Variants in ITGAX observed in about 807,000 individuals in gnomAD.
ITGAX encodes integrin alpha-X.
A neutral mutation model predicts 140.2 loss-of-function variants in ITGAX; 99 were observed. The observed-to-expected ratio is 0.71, with a 90% confidence interval of 0.60 to 0.83. The LOEUF (loss-of-function observed/expected upper bound fraction) is 0.83. Among genes scored for constraint, ITGAX ranks in the 40% least tolerant of loss-of-function variants. ITGAX has a pLI of 0.00. For missense variants in ITGAX, 1,444 were observed against 1,482.0 expected (o/e 0.97, Z 0.42); for synonymous variants, 631 against 600.4 (o/e 1.05, Z -0.75).
Position 31,359,942 on chromosome 16 carries a change from A to G in ITGAX, c.584A>G (p.Asn195Ser), listed in dbSNP as rs2080804160. ...STQFSLMQFSNKFQTHFTFEE... is the reference protein window; with the variant it reads ...STQFSLMQFSSKFQTHFTFEE... ...CAGTTTTCCCTGATGCAGTTCTCCA[A>G]CAAATTCCAAACACACTTCACTTTC... The change falls in exon 7 of 30, where the codon AAC becomes AGC. Residue 195 changes from asparagine to serine, a missense_variant. Transcript: ENST00000268296. The G allele has an allele frequency of 1.9e-6, 3 of 1,614,014 alleles. No individual in the cohort carries two copies. The highest frequency in any genetic ancestry group is 2.5e-6 in the Non-Finnish European group (3 of 1,180,034).
Position 31,361,074 on chromosome 16 carries a change from T to G in ITGAX, c.873T>G (p.Ala291=), listed in dbSNP as rs1434444814. Residue 291 remains alanine (A), a synonymous_variant, in exon 9 of 30, where the codon GCT becomes GCG. Transcript: ENST00000268296. ...IIRYAIGVGL[A]FQNRNSWKEL... ...TTTTCTGGGGACAGGTTGGATTAGC[T>G]TTTCAAAACAGAAATTCTTGGAAAG... The G allele has an allele frequency of 6.2e-7, 1 of 1,612,668 alleles. No individual in the cohort carries two copies.
intron 20 of ITGAX, among the ~76,000 whole-genome samples, chr16:31,375,373 A>G (rs1316365107): frequency 6.6e-6 from 1 of 152,202 alleles, no homozygotes; most frequent in African/African-American, 2.4e-5. Flanking sequence ...TCACTCTCAC[A>G]TGCACTGCCT....
At chr16:31,360,169 C>T (rs2080807815) in intron 7 of ITGAX, 104 bp downstream of exon 7, 1 of 1,527,478 alleles carries the variant, frequency 6.5e-7, no homozygotes, top group Non-Finnish European at 8.8e-7. Context: ...AAAATCCAGC[C>T]CGTGATACCC....
Position 31,360,076 on chromosome 16 carries a change from A to G in ITGAX, c.707+11A>G. The G allele has an allele frequency of 6.2e-7, 1 of 1,607,996 alleles. No homozygotes were observed. The highest frequency in any genetic ancestry group is 8.5e-7 in the Non-Finnish European group (1 of 1,179,932). The stretch of plus-strand genomic sequence containing the variant: ...CATCCAAAATGTCGTGTGAGTCCTG[A>G]TTTCTTCCAGGCACAGTCCCAAAGC... On this transcript the variant is annotated intron_variant, in intron 7 of 29. Transcript: ENST00000268296.
chr16:31,356,749 G>C (rs1384004732), intron 3 of ITGAX, 21 bp downstream of exon 3: 1 of 1,538,972 alleles, frequency 6.5e-7, no homozygotes, highest in African/African-American at 1.4e-5. Flanking sequence ...GCCCCTCCCG[G>C]GACCCAGGGC....
Position 31,371,778 on chromosome 16 carries a change from G to T in ITGAX, c.2154G>T (p.Leu718=). Residue 718 remains leucine (L), a synonymous_variant, in exon 17 of 30, where the codon CTG becomes CTT. Transcript: ENST00000268296. ...CACACTGTGAAAACTTCAACCTGCT[G>T]CTCCCGGTGCGTCTGGGCATGAACG... is the stretch of plus-strand genomic sequence containing the variant. ...LKAHCENFNL[L]LPSCVEDSVT... is the part of the protein sequence containing the mutation. The T allele has an allele frequency of 1.2e-6, 2 of 1,613,846 alleles. No homozygotes were observed. Among genetic ancestry groups the T allele is most frequent in the Non-Finnish European group, 1.7e-6 (2 of 1,179,992 alleles).
rs771214794 is a variant in ITGAX, at chr16:31,361,192, GAGA to G, written c.995_997del (p.Lys332del). 3.1e-6 allele frequency: 5 copies of G among 1,612,578 alleles called. No homozygotes were observed. Among genetic ancestry groups the G allele is most frequent in the Admixed American group, 3.3e-5 (2 of 59,794 alleles). Reference sequence around the variant, plus strand: ...GAAAGATATTCAAAACCAACTGAAGGAGAAGATCTTTGCCATTGAGGGTGAGTC... The same window carrying G: ...GAAAGATATTCAAAACCAACTGAAGGAGATCTTTGCCATTGAGGGTGAGTC... On this transcript the variant is annotated inframe_deletion, in exon 9 of 30. Coordinates refer to ENST00000268296, the MANE Select transcript of ITGAX (RefSeq NM_000887.5).
rs377284317 is a variant in ITGAX at position 31,355,271 on chromosome 16, C to T, written c.17C>T (p.Ala6Val). 2.5e-6 allele frequency: 4 copies of T among 1,613,780 alleles called. No homozygotes were observed. The African/African-American group carries it at 4.0e-5, about 16-fold the overall frequency. MTRTR[A>V]ALLLFTALAT... ...CTTCTAGTCATGACCAGGACCAGGG[C>T]AGCACTCCTCCTGTTCACAGGTGAG... Residue 6 changes from alanine to valine, a missense_variant, in exon 1 of 30, where the codon GCA (alanine) becomes GTA (valine). Physicochemically the swap from Ala to Val is moderately conservative, Grantham distance 64. Coordinates refer to ENST00000268296, the MANE Select transcript of ITGAX (RefSeq NM_000887.5).
Position 31,372,495 on chromosome 16 carries a change from T to C in ITGAX, c.2278T>C (p.Tyr760His). The C allele has an allele frequency of 1.2e-6, 2 of 1,608,930 alleles. No homozygotes were observed. The highest frequency in any genetic ancestry group is 1.7e-6 in the Non-Finnish European group (2 of 1,178,678). ...TATGCTGGCCGCCGATGCTCAGAGATACTTCACGGCCTCCGTGAGTCCTGG... is the reference window on the plus strand; with the variant it reads ...TATGCTGGCCGCCGATGCTCAGAGACACTTCACGGCCTCCGTGAGTCCTGG... ...RPMLAADAQR[Y>H]FTASLPFEKN... The change falls in exon 18 of 30, where the codon TAC (tyrosine) becomes CAC (histidine). Residue 760 changes from tyrosine to histidine, a missense_variant. By Grantham distance (83) the Tyr-to-His change is moderately conservative. Coordinates refer to ENST00000268296, the MANE Select transcript of ITGAX (RefSeq NM_000887.5).
chr16:31,377,336 C>G (rs915306276), intron 23 of ITGAX, 71 bp downstream of exon 23: 28 of 1,128,654 alleles, frequency 2.5e-5, no homozygotes, highest in Non-Finnish European at 5.2e-6. Flanking sequence ...AAAAAAAGGC[C>G]TTGAAACGCT....
At chr16:31,370,694 C>T (rs1389133886) in intron 14 of ITGAX, among the ~76,000 whole-genome samples, 2 of 152,086 alleles carry the variant, frequency 1.3e-5, no homozygotes, top group Non-Finnish European at 2.9e-5. Context: ...TTCTAAGAAC[C>T]GTAGGAATTC....
intron 27 of ITGAX, 68 bp from the exon 28 acceptor site, chr16:31,380,455 A>G: frequency 6.2e-7 from 1 of 1,610,854 alleles, no homozygotes; most frequent in South Asian, 1.1e-5. Flanking sequence ...TCTGCAAGCC[A>G]GGGCACCCCC....
chr16:31,381,889 C>T lies in ITGAX; in HGVS notation c.3474C>T (p.Ser1158=), dbSNP rs769511513. ...IAPENGTQTP[S]PPSEK ...CAGAAAACGGGACACAGACCCCCAG[C>T]CCGCCCAGTGAGAAATGATCCCCTC... Residue 1158 remains serine, a synonymous_variant, in exon 30 of 30, where the codon AGC becomes AGT. Coordinates refer to ENST00000268296, the MANE Select transcript of ITGAX (RefSeq NM_000887.5). 1.6e-4 allele frequency: 145 copies of T among 898,146 alleles called. 6 individuals carry two copies. In the South Asian group the frequency reaches 1.8e-3, roughly 11 times the overall value. 55.6% of individuals were successfully genotyped at this position (898,146 alleles called of 1,614,324 possible).
chr16:31,380,304 C>T lies in ITGAX; in HGVS notation c.3099C>T (p.Asp1033=), dbSNP rs778637008. ...CTGGCTGCCTGCGGTTCCGCTGTGA[C>T]GTCCCCTCCTTCAGCGTCCAGGAGG... ...SIAGCLRFRC[D]VPSFSVQEEL... is the part of the protein sequence containing the mutation. The change falls in exon 27 of 30, where the codon GAC becomes GAT. Residue 1033 remains aspartate, a synonymous_variant. Coordinates refer to ENST00000268296, the MANE Select transcript of ITGAX (RefSeq NM_000887.5). 61 of 1,614,104 alleles carry T rather than the reference C, an allele frequency of 3.8e-5. No individual in the cohort carries two copies. The highest frequency in any genetic ancestry group is 3.2e-4 in the South Asian group (29 of 91,090).
chr16:31,359,987 C>A lies in ITGAX; in HGVS notation c.629C>A (p.Ser210Ter). 6.2e-7 allele frequency: 1 copy of A among 1,614,142 alleles called. No individual in the cohort carries two copies. The highest frequency in any genetic ancestry group is 8.5e-7 in the Non-Finnish European group (1 of 1,180,036). The change falls in exon 7 of 30, where the codon TCA (serine) becomes TAA (stop). Residue 210 changes from serine (S) to a stop codon, truncating the protein, a stop_gained. Transcript: ENST00000268296. LOFTEE classifies it high-confidence loss of function. Reference sequence around the variant, plus strand: ...ACTTTCGAGGAATTCAGGCGCAGCTCAAACCCCCTCAGCCTGTTGGCTTCT... The same window carrying A: ...ACTTTCGAGGAATTCAGGCGCAGCTAAAACCCCCTCAGCCTGTTGGCTTCT... ...HFTFEEFRRS[S>*]NPLSLLASVH...
At chr16:31,356,782 C>G (rs542203063) in intron 3 of ITGAX, 54 bp downstream of exon 3, 2 of 1,326,680 alleles carry the variant, frequency 1.5e-6, no homozygotes, top group African/African-American at 1.5e-5. Context: ...CTTCCCTGCT[C>G]CAGGGGCCCG....
chr16:31,371,531 G>C (rs367909465), intron 16 of ITGAX, 34 bp downstream of exon 16: 66 of 1,610,912 alleles, frequency 4.1e-5, no homozygotes, highest in Non-Finnish European at 5.2e-5. Flanking sequence ...AGGACACCCT[G>C]ACCTCTGGAG....
In ITGAX at chr16:31,381,912, C is replaced by G. The variant is rs773843243; in HGVS notation, c.*5C>G. 1.0e-6 allele frequency: 1 copy of G among 959,800 alleles called. No homozygotes were observed. The highest frequency in any genetic ancestry group is 1.3e-5 in the South Asian group (1 of 78,162). 59.5% of individuals were successfully genotyped at this position (959,800 alleles called of 1,614,324 possible). On this transcript the variant is annotated 3_prime_UTR_variant, in exon 30 of 30. Coordinates refer to ENST00000268296, the MANE Select transcript of ITGAX (RefSeq NM_000887.5). ...AGCCCGCCCAGTGAGAAATGATCCC[C>G]TCTTTGCCTTGGACTTCTTCTCCCC...
chr16:31,377,375 A>G, intron 23 of ITGAX, 110 bp downstream of exon 23: 1 of 852,152 alleles, frequency 1.2e-6, no homozygotes, highest in South Asian at 1.7e-5. Context: ...AGGTGTTTGA[A>G]ACTAAAAGGT....
Sources: allele counts gnomAD v4.1 joint callset (sites outside exome capture counted in the v4.1 genomes callset), GRCh38; gene constraint gnomAD v4.1.1; transcripts MANE v1.5; gene names NCBI Gene and HGNC (gene_info 2026-07-23, HGNC 2026-07-21).